The following TTC7B variants were observed in gnomAD, a reference collection of about 807,000 sequenced individuals.
TTC7B encodes tetratricopeptide repeat protein 7B.
Under a neutral mutation model 106.8 loss-of-function variants are expected in TTC7B, and 28 were observed. The ratio of observed to expected loss-of-function variants is 0.26; its 90% CI spans 0.19 to 0.36. The LOEUF (loss-of-function observed/expected upper bound fraction) is 0.36. TTC7B is among the 10% of genes least tolerant of loss of function. TTC7B has a pLI of 1.00. For synonymous variants in TTC7B, 405 were observed against 430.6 expected, an observed-to-expected ratio of 0.94 and a Z score of 0.74; for missense variants, 862 against 1,076.4, an observed-to-expected ratio of 0.80 and a Z score of 2.79.
intron 4 of TTC7B, among the ~76,000 whole-genome samples, chr14:90,740,494 C>CT (rs71461924): frequency 0.42 from 33,103 of 78,548 alleles, 8,264 homozygotes; most frequent in Non-Finnish European, 0.52. Context: ...AATTCTTTGA[C>CT]TTTTTTTTTT....
intron 5 of TTC7B, among the ~76,000 whole-genome samples, chr14:90,704,320 C>A (rs551979502): frequency 3.3e-5 from 5 of 152,292 alleles, no homozygotes; most frequent in African/African-American, 1.2e-4. Flanking sequence ...GAATCTGAAC[C>A]GGTTTCTACG....
At chr14:90,621,379 T>C (rs1354720854) in intron 15 of TTC7B, among the ~76,000 whole-genome samples, 1 of 151,234 alleles carries the variant, frequency 6.6e-6, no homozygotes, top group African/African-American at 2.4e-5. Context: ...GCCACGCGGG[T>C]ACGGCCGGGA....
intron 15 of TTC7B, among the ~76,000 whole-genome samples, chr14:90,625,931 G>A (rs1884419291): frequency 6.6e-6 from 1 of 152,194 alleles, no homozygotes; most frequent in African/African-American, 2.4e-5. Flanking sequence ...AAGGCCTTGA[G>A]GTCAAATAAT....
At chr14:90,804,530 G>T (rs1407845308) in intron 1 of TTC7B, among the ~76,000 whole-genome samples, 1 of 152,154 alleles carries the variant, frequency 6.6e-6, no homozygotes, top group African/African-American at 2.4e-5. Flanking sequence ...TCCCAGGTGT[G>T]ATTCCAGGCG....
chr14:90,733,706 C>T (rs956974615), intron 4 of TTC7B, among the ~76,000 whole-genome samples: 6 of 152,160 alleles, frequency 3.9e-5, no homozygotes, highest in Admixed American at 6.5e-5. Flanking sequence ...TGAGGAAGCA[C>T]GGGGAAGGGG....
intron 13 of TTC7B, among the ~76,000 whole-genome samples, chr14:90,652,478 A>G (rs1380555204): frequency 1.6e-4 from 16 of 99,274 alleles, no homozygotes; most frequent in Middle Eastern, 9.5e-3. Context: ...GCAGTTTGAC[A>G]TGTTTTTTTT....
chr14:90,730,098 G>A lies in TTC7B; in HGVS notation c.675C>T (p.Ala225=), dbSNP rs1889267707. The A allele has an allele frequency of 6.2e-7, 1 of 1,612,676 alleles. No individual in the cohort carries two copies. Among genetic ancestry groups the A allele is most frequent in the Admixed American group, 1.7e-5 (1 of 59,690 alleles). The stretch of plus-strand genomic sequence containing the variant: ...ACCCATTTTTGAAATAGAGGACATG[G>A]GCTCTCTGAAGTCCTGTTTCTAGGA... The part of the protein sequence containing the change: ...GFFLETGLQR[A]HVLYFKNGNL... Residue 225 remains alanine (A), a synonymous_variant, in exon 5 of 20, where the codon GCC becomes GCT. Coordinates refer to ENST00000328459, the MANE Select transcript of TTC7B (RefSeq NM_001010854.2).
chr14:90,707,780 T>G, intron 5 of TTC7B, among the ~76,000 whole-genome samples: 1 of 152,144 alleles, frequency 6.6e-6, no homozygotes, highest in African/African-American at 2.4e-5. Flanking sequence ...GTGAAGAAGA[T>G]GCAGAGGAAA....
chr14:90,660,724 G>A (rs1213663875), intron 9 of TTC7B, among the ~76,000 whole-genome samples: 1 of 152,200 alleles, frequency 6.6e-6, no homozygotes, highest in Non-Finnish European at 1.5e-5. Context: ...GGTGGGAGAG[G>A]AGAGAAAAGA....
At position 90,630,831 on chromosome 14, in the gene TTC7B, G is replaced by GTTTTTTTTT. The variant is rs201616174; in HGVS notation, c.1752-12787_1752-12786insAAAAAAAAA. ...ATCCATCAGAATGTCCTTCTATCTT[G>GTTTTTTTTT]TTTTTTGTTTTTTTTTTTTTTGAGA... On this transcript the variant is annotated intron_variant, in intron 15 of 19. Transcript: ENST00000328459. Among the ~76,000 whole-genome samples, 6 of 141,910 alleles carry GTTTTTTTTT rather than the reference G, an allele frequency of 4.2e-5. 1 individual carries two copies. The highest frequency in any genetic ancestry group is 1.0e-4 in the African/African-American group (4 of 39,402). 93.1% of individuals were successfully genotyped at this position (141,910 alleles called of 152,430 possible). A position where few individuals can be genotyped will look rare whatever the true frequency, so the allele number is the denominator to read the frequency against.
chr14:90,677,063 C>T lies in TTC7B; in HGVS notation c.1015-403G>A, dbSNP rs114533718. Among the ~76,000 whole-genome samples the T allele has an allele frequency of 2.6e-3, 396 of 152,332 alleles. 2 individuals carry two copies. The highest frequency in any genetic ancestry group is 9.1e-3 in the African/African-American group (377 of 41,576). Reference sequence around the variant, plus strand: ...ACCTCACTCGTGAATCCTGCTTCTGCTCTACATTAAAGAGTGGGAGAAAAT... The same window carrying T: ...ACCTCACTCGTGAATCCTGCTTCTGTTCTACATTAAAGAGTGGGAGAAAAT... On this transcript the variant is annotated intron_variant, in intron 8 of 19. Coordinates refer to ENST00000328459, the MANE Select transcript of TTC7B (RefSeq NM_001010854.2).
chr14:90,773,653 T>C (rs1045461769), intron 3 of TTC7B, among the ~76,000 whole-genome samples: 1 of 152,200 alleles, frequency 6.6e-6, no homozygotes, highest in African/African-American at 2.4e-5. Context: ...CTCTGGCAGC[T>C]GTGAGGTTAG....
intron 7 of TTC7B, among the ~76,000 whole-genome samples, chr14:90,682,392 C>T (rs1245022786): frequency 6.6e-6 from 1 of 152,220 alleles, no homozygotes. Context: ...CACTGCAAAG[C>T]TCCCAAGGCC....
chr14:90,594,977 G>C (rs763459180), intron 17 of TTC7B, among the ~76,000 whole-genome samples: 1 of 152,194 alleles, frequency 6.6e-6, no homozygotes, highest in African/African-American at 2.4e-5. Flanking sequence ...ACCAAGAGGA[G>C]AGCAGCCTCT....
chr14:90,645,654 C>T (rs1361424553), intron 14 of TTC7B, among the ~76,000 whole-genome samples: 2 of 152,138 alleles, frequency 1.3e-5, no homozygotes, highest in East Asian at 3.9e-4. Context: ...ATGGGTGGGT[C>T]GAAAGGCAAA....
At chr14:90,644,454 G>A (rs555943941) in intron 14 of TTC7B, among the ~76,000 whole-genome samples, 23 of 152,180 alleles carry the variant, frequency 1.5e-4, no homozygotes, top group African/African-American at 5.3e-4. Context: ...AGTGATACAG[G>A]AGACCCTGTT....
chr14:90,691,166 G>A (rs2139940471), intron 6 of TTC7B, among the ~76,000 whole-genome samples: 1 of 152,200 alleles, frequency 6.6e-6, no homozygotes, highest in South Asian at 2.1e-4. Context: ...CACTATAGCT[G>A]AGAAATAAGT....
rs1889138247 is a variant in TTC7B at position 90,525,937 on chromosome 14, C to T, written c.*15431G>A. The T allele has an allele frequency of 7.5e-6, 1 of 133,236 alleles. No homozygotes were observed. Among genetic ancestry groups the T allele is most frequent in the Non-Finnish European group, 1.6e-5 (1 of 62,764 alleles). 8.3% of individuals were successfully genotyped at this position (133,236 alleles called of 1,614,324 possible). On this transcript the variant is annotated 3_prime_UTR_variant, in exon 20 of 20. Transcript: ENST00000328459. Reference sequence around the variant, plus strand: ...CTTTGCTCCCTTAGAATAATACCAACGTACAGAGTTGCGATTGGTTAAAAA... The same window carrying T: ...CTTTGCTCCCTTAGAATAATACCAATGTACAGAGTTGCGATTGGTTAAAAA...
intron 13 of TTC7B, among the ~76,000 whole-genome samples, chr14:90,651,019 G>A (rs1446821932): frequency 3.3e-5 from 5 of 152,146 alleles, no homozygotes. Flanking sequence ...CCTGAATTGT[G>A]TTTTCTTTTT....
Sources: gnomAD v4.1 joint callset for allele counts (sites outside exome capture counted in the v4.1 genomes callset) on GRCh38, gnomAD v4.1.1 for gene constraint, MANE v1.5 for transcripts, NCBI Gene and HGNC (gene_info 2026-07-23, HGNC 2026-07-21) for gene names.